NFATC2: variants seen among roughly 807,000 people sequenced by gnomAD.
The protein encoded by NFATC2 is nuclear factor of activated T-cells, cytoplasmic 2.
In NFATC2, 22 loss-of-function variants were observed where a neutral mutation model predicts 87.3. The ratio of observed to expected loss-of-function variants is 0.25; its 90% CI spans 0.18 to 0.36. NFATC2 has a LOEUF of 0.36. Among genes scored for constraint, NFATC2 ranks in the 10% least tolerant of loss-of-function variants. NFATC2 has a pLI of 1.00. For synonymous variants in NFATC2, 565 were observed against 542.2 expected (o/e 1.04, Z -0.58); for missense variants, 1,149 against 1,259.1 (o/e 0.91, Z 1.32).
rs371521899 is a variant in NFATC2, at chr20:51,453,349, A to C, written c.1849+1199T>G. ...CAATTTGAATGGCAGCCCTCAGAGG[A>C]GGTGCCCTTGTACAGTGCACAATCC... On this transcript the variant is annotated intron_variant, in intron 6 of 10. Coordinates refer to ENST00000371564, the MANE Select transcript of NFATC2 (RefSeq NM_012340.5). Among the ~76,000 whole-genome samples, 3 of 152,200 alleles carry C rather than the reference A, an allele frequency of 2.0e-5. No individual in the cohort carries two copies. In the East Asian group the frequency reaches 5.8e-4, roughly 29 times the overall value.
chr20:51,448,782 T>C (rs1399329151), intron 6 of NFATC2, among the ~76,000 whole-genome samples: 1 of 152,172 alleles, frequency 6.6e-6, no homozygotes, highest in Non-Finnish European at 1.5e-5. Flanking sequence ...TATGGCCAAG[T>C]GGCAGGGAGA....
chr20:51,554,093 C>G (rs2076957622), intron 1 of NFATC2, among the ~76,000 whole-genome samples: 2 of 152,096 alleles, frequency 1.3e-5, no homozygotes, highest in Admixed American at 1.3e-4. Context: ...AGGTACCCGT[C>G]ATCAGCTCCC....
chr20:51,527,481 C>T (rs557977702), intron 1 of NFATC2, among the ~76,000 whole-genome samples: 1 of 152,254 alleles, frequency 6.6e-6, no homozygotes, highest in Admixed American at 6.5e-5. Context: ...TTCCCTCGAC[C>T]TCCAGTCTGC....
At chr20:51,538,299 A>G (rs976468175) in intron 1 of NFATC2, among the ~76,000 whole-genome samples, 1 of 152,234 alleles carries the variant, frequency 6.6e-6, no homozygotes, top group African/African-American at 2.4e-5. Context: ...ACACATTAAT[A>G]GGTCTACGAA....
chr20:51,398,762 A>C (rs2426295), intron 9 of NFATC2, 32 bp from the exon 10 acceptor site: 156,019 of 1,453,024 alleles, frequency 0.11, 8,850 homozygotes, highest in South Asian at 0.13. Context: ...ATTTTTGAGA[A>C]GAAAAAAAAA....
Position 51,524,024 on chromosome 20 carries a change from TGTATGGCTTGAGGCCATA to T in NFATC2, c.199_216del (p.Tyr67_Tyr72del). 1 of 1,552,924 alleles carries T rather than the reference TGTATGGCTTGAGGCCATA, an allele frequency of 6.4e-7. No homozygotes were observed. The highest frequency in any genetic ancestry group is 1.2e-5 in the South Asian group (1 of 81,840). On this transcript the variant is annotated inframe_deletion, in exon 2 of 11. Coordinates refer to ENST00000371564, the MANE Select transcript of NFATC2 (RefSeq NM_012340.5). The surrounding 1 kb of genome is among the most constrained non-coding windows in gnomAD (Gnocchi z 4.0). ...TCGCCAGAGAGACTAGCAAGGGGGC[TGTATGGCTTGAGGCCATA>T]GTCCAGGACATCATCGGGGTATGCG...
chr20:51,556,725 C>T (rs898121487), intron 1 of NFATC2, among the ~76,000 whole-genome samples: 2 of 152,088 alleles, frequency 1.3e-5, no homozygotes, highest in African/African-American at 4.8e-5. Flanking sequence ...TGAGGAGGAG[C>T]GATAGCACAG....
At chr20:51,550,000 T>C (rs1410774141) in intron 1 of NFATC2, among the ~76,000 whole-genome samples, 1 of 152,188 alleles carries the variant, frequency 6.6e-6, no homozygotes, top group Non-Finnish European at 1.5e-5. Flanking sequence ...CAACTTATGG[T>C]GGGTGATATC....
At chr20:51,443,859 G>A (rs1430942411) in intron 6 of NFATC2, among the ~76,000 whole-genome samples, 1 of 152,038 alleles carries the variant, frequency 6.6e-6, no homozygotes, top group Admixed American at 6.6e-5. Flanking sequence ...GGAAGAGAAA[G>A]GAGCCAACCA....
chr20:51,465,815 T>TC (rs1600799457), intron 5 of NFATC2, among the ~76,000 whole-genome samples: 1 of 152,060 alleles, frequency 6.6e-6, no homozygotes, highest in East Asian at 1.9e-4. Context: ...CTGTCTGTCT[T>TC]CCCCACTAGA....
At chr20:51,500,540 C>A (rs1019276621) in intron 3 of NFATC2, among the ~76,000 whole-genome samples, 26 of 151,544 alleles carry the variant, frequency 1.7e-4, no homozygotes, top group African/African-American at 6.3e-4. Context: ...CGTTTTAGGG[C>A]AGAGGCTCCT....
chr20:51,391,571 C>G (rs1986353132), intron 10 of NFATC2, 120 bp from the exon 11 acceptor site: 1 of 1,067,176 alleles, frequency 9.4e-7, no homozygotes, highest in African/African-American at 1.6e-5. Flanking sequence ...GAGACAAGGT[C>G]TTGCTCTGTC....
chr20:51,419,425 C>A (rs926769170), intron 9 of NFATC2, among the ~76,000 whole-genome samples: 1 of 152,152 alleles, frequency 6.6e-6, no homozygotes, highest in Admixed American at 6.5e-5. Context: ...GGCGTGCCCT[C>A]CTTCCTCTTT....
At chr20:51,538,047 G>T (rs1272095390) in intron 1 of NFATC2, among the ~76,000 whole-genome samples, 3 of 152,146 alleles carry the variant, frequency 2.0e-5, no homozygotes, top group Non-Finnish European at 4.4e-5. Context: ...CTTCACAGAG[G>T]AATTCTATCA....
At chr20:51,558,877 C>T (rs2076999476) in intron 1 of NFATC2, among the ~76,000 whole-genome samples, 1 of 152,156 alleles carries the variant, frequency 6.6e-6, no homozygotes, top group African/African-American at 2.4e-5. Flanking sequence ...TGATTCAGAC[C>T]TCAAGCTGTT....
chr20:51,396,038 GTATATATATATATATATATATATATA>G (rs1161908517), intron 10 of NFATC2, among the ~76,000 whole-genome samples: 1,216 of 21,280 alleles, frequency 0.057, 35 homozygotes, highest in Middle Eastern at 0.11. Flanking sequence ...CTCCTAGTAT[GTATATATATATATATATATATATATA>G]TATATATATA....
intron 2 of NFATC2, among the ~76,000 whole-genome samples, chr20:51,521,359 C>A (rs2076441974): frequency 6.6e-6 from 1 of 152,068 alleles, no homozygotes; most frequent in Non-Finnish European, 1.5e-5. Flanking sequence ...CTCACTCTGT[C>A]ACGAAGGCTA....
intron 3 of NFATC2, among the ~76,000 whole-genome samples, chr20:51,498,941 T>G (rs2076033946): frequency 1.3e-5 from 2 of 150,006 alleles, no homozygotes; most frequent in African/African-American, 4.9e-5. Flanking sequence ...CTGGGAGGAG[T>G]GAAAGGCACG....
At chr20:51,412,447 G>A (rs1203154521) in intron 9 of NFATC2, among the ~76,000 whole-genome samples, 1 of 152,212 alleles carries the variant, frequency 6.6e-6, no homozygotes, top group Non-Finnish European at 1.5e-5. Context: ...ACACGGGCCA[G>A]GGGGTGGGCA....
Sources: allele counts gnomAD v4.1 joint callset (sites outside exome capture counted in the v4.1 genomes callset), GRCh38; gene constraint gnomAD v4.1.1; non-coding constraint Gnocchi (gnomAD v3.1); transcripts MANE v1.5; gene names NCBI Gene and HGNC (gene_info 2026-07-23, HGNC 2026-07-21).